Variants in ADARB1 observed in about 807,000 individuals in gnomAD.
ADARB1 encodes double-stranded RNA-specific editase 1.
Under a neutral mutation model 52.4 loss-of-function variants are expected in ADARB1, and 10 were observed. That is an observed-to-expected ratio of 0.19 (90% CI 0.12 to 0.32). The LOEUF is 0.32. ADARB1 is among the 10% of genes least tolerant of loss of function. The pLI, the probability that ADARB1 is intolerant of heterozygous loss-of-function variation, is 1.00. For synonymous variants in ADARB1, 349 were observed against 371.1 expected, an observed-to-expected ratio of 0.94 and a Z score of 0.68; for missense variants, 643 against 922.3, an observed-to-expected ratio of 0.70 and a Z score of 3.92.
At position 45,220,895 on chromosome 21, in the gene ADARB1, A is replaced by G; in HGVS notation, c.1807A>G (p.Thr603Ala). ...GGCCCCCAACTTCAGTGTCAACTGG[A>G]CGGTAGGCGACTCCGCTATTGAGGT... is the stretch of plus-strand genomic sequence containing the variant. ...GKAPNFSVNWTVGDSAIEVIN... is the reference protein window; with the variant it reads ...GKAPNFSVNWAVGDSAIEVIN... The change falls in exon 10 of 11, where the codon ACG (threonine) becomes GCG (alanine). Residue 603 changes from threonine to alanine, a missense_variant. This residue lies in a region of ADARB1 where 263 missense variants were observed against 475.8 expected (regional missense o/e 0.55). Transcript: ENST00000348831. The surrounding 1 kb of genome is among the most constrained non-coding windows in gnomAD (Gnocchi z 6.3). 1 of 1,613,480 alleles carries G rather than the reference A, an allele frequency of 6.2e-7. No homozygotes were observed. The highest frequency in any genetic ancestry group is 8.5e-7 in the Non-Finnish European group (1 of 1,180,028).
At chr21:45,110,853 G>A (rs2087501079) in intron 1 of ADARB1, among the ~76,000 whole-genome samples, 1 of 152,114 alleles carries the variant, frequency 6.6e-6, no homozygotes, top group Admixed American at 6.5e-5. Flanking sequence ...TTACCTGCTG[G>A]AAGGTACTCC....
intron 1 of ADARB1, among the ~76,000 whole-genome samples, chr21:45,101,387 G>C (rs2123732633): frequency 6.6e-6 from 1 of 152,360 alleles, no homozygotes; most frequent in East Asian, 1.9e-4. Context: ...GCCGAGTGCT[G>C]GGTGCAGAGG....
In ADARB1 at chr21:45,130,186, G is replaced by A. The variant is rs1556315; in HGVS notation, c.-48+1613G>A. ...GTTTAATATTGCTAAGTTAAGTGTC[G>A]ATTTGTGACTACCTATTTTTAACAT... On this transcript the variant is annotated intron_variant, in intron 2 of 10. Coordinates refer to ENST00000348831, the MANE Select transcript of ADARB1 (RefSeq NM_001112.4). Among the ~76,000 whole-genome samples the A allele has an allele frequency of 5.1e-3, 780 of 152,282 alleles. 12 individuals are homozygous for A. The highest frequency in any genetic ancestry group is 0.018 in the African/African-American group (728 of 41,548).
chr21:45,104,572 G>A (rs2087166145), intron 1 of ADARB1, among the ~76,000 whole-genome samples: 1 of 152,208 alleles, frequency 6.6e-6, no homozygotes, highest in East Asian at 1.9e-4. Flanking sequence ...CAAAGGTTGA[G>A]ATGAAACTCC....
chr21:45,121,483 G>A (rs895744548), intron 1 of ADARB1, among the ~76,000 whole-genome samples: 4 of 152,108 alleles, frequency 2.6e-5, no homozygotes, highest in Admixed American at 6.5e-5. Context: ...CTGTGCTCCC[G>A]CATCATTTCT....
chr21:45,112,286 G>T (rs1048079174), intron 1 of ADARB1, among the ~76,000 whole-genome samples: 1 of 152,148 alleles, frequency 6.6e-6, no homozygotes, highest in Admixed American at 6.5e-5. Context: ...CATCATTTTT[G>T]AGTCTAGCTC....
At chr21:45,218,254 T>C (rs2092903945) in intron 9 of ADARB1, among the ~76,000 whole-genome samples, 1 of 152,228 alleles carries the variant, frequency 6.6e-6, no homozygotes. Context: ...TCTTTGTGTT[T>C]CATTTTTGGT....
At chr21:45,185,321 C>G (rs2092066875) in intron 8 of ADARB1, among the ~76,000 whole-genome samples, 1 of 152,252 alleles carries the variant, frequency 6.6e-6, no homozygotes, top group Non-Finnish European at 1.5e-5. Context: ...CATTCCTATC[C>G]AAGCGTCTCA....
intron 2 of ADARB1, among the ~76,000 whole-genome samples, chr21:45,131,593 C>T (rs1384103233): frequency 6.6e-6 from 1 of 152,168 alleles, no homozygotes; most frequent in Non-Finnish European, 1.5e-5. Flanking sequence ...CATGTTGCTA[C>T]CTGTTGCTAC....
chr21:45,205,546 A>G (rs1209614051), intron 9 of ADARB1, among the ~76,000 whole-genome samples: 1 of 152,218 alleles, frequency 6.6e-6, no homozygotes, highest in African/African-American at 2.4e-5. Context: ...GTTGGCTCCG[A>G]GAGATGGTGA....
Position 45,224,875 on chromosome 21 carries a change from A to T in ADARB1, c.*2678A>T. 1.0e-6 allele frequency: 1 copy of T among 985,820 alleles called. No individual in the cohort carries two copies. The highest frequency in any genetic ancestry group is 1.2e-6 in the Non-Finnish European group (1 of 829,924). The allele number at this position is 985,820 out of a possible 1,614,324, so 61.1% of individuals were successfully genotyped here. A position where few individuals can be genotyped will look rare whatever the true frequency, so the allele number is the denominator to read the frequency against. On this transcript the variant is annotated 3_prime_UTR_variant, in exon 11 of 11. Coordinates refer to ENST00000348831, the MANE Select transcript of ADARB1 (RefSeq NM_001112.4). ...ACAGATCGGGGACCTTAGCACTTTA[A>T]TCCCTCCCTTCTGAGCGCTCGGTGT... is the stretch of plus-strand genomic sequence containing the variant.
At chr21:45,190,676 G>A (rs2092256637) in intron 8 of ADARB1, among the ~76,000 whole-genome samples, 1 of 152,142 alleles carries the variant, frequency 6.6e-6, no homozygotes, top group South Asian at 2.1e-4. Flanking sequence ...GCTTCTCCTG[G>A]TGTCTTCCTG....
At chr21:45,080,299 C>T (rs1470692734) in intron 1 of ADARB1, among the ~76,000 whole-genome samples, 1 of 152,082 alleles carries the variant, frequency 6.6e-6, no homozygotes, top group African/African-American at 2.4e-5. Flanking sequence ...ATGTTATGAG[C>T]TAATAGGAAT....
chr21:45,165,698 T>C (rs2146076062), intron 2 of ADARB1, among the ~76,000 whole-genome samples: 1 of 152,372 alleles, frequency 6.6e-6, no homozygotes, highest in South Asian at 2.1e-4. Flanking sequence ...AGGTTTATAC[T>C]TCAGTTGCTT....
intron 9 of ADARB1, among the ~76,000 whole-genome samples, chr21:45,214,822 C>G (rs2092831483): frequency 2.6e-5 from 4 of 152,146 alleles, no homozygotes; most frequent in Admixed American, 6.5e-5. Context: ...AGTCTTCCAA[C>G]TTTGTACTTT....
intron 2 of ADARB1, among the ~76,000 whole-genome samples, chr21:45,154,162 C>G (rs1343732979): frequency 6.6e-6 from 1 of 152,172 alleles, no homozygotes; most frequent in African/African-American, 2.4e-5. Context: ...GAAAACCACT[C>G]TCAAATATGT....
intron 1 of ADARB1, among the ~76,000 whole-genome samples, chr21:45,101,871 T>C (rs951912094): frequency 6.6e-6 from 1 of 152,184 alleles, no homozygotes; most frequent in Non-Finnish European, 1.5e-5. Flanking sequence ...TGGTTTATTT[T>C]AAAGTGAACA....
intron 2 of ADARB1, among the ~76,000 whole-genome samples, chr21:45,159,737 T>C (rs2090863878): frequency 6.6e-6 from 1 of 152,144 alleles, no homozygotes; most frequent in Non-Finnish European, 1.5e-5. Context: ...ACTTTTGGGA[T>C]TGTTTTACCC....
chr21:45,168,271 T>G (rs2091334419), intron 2 of ADARB1, among the ~76,000 whole-genome samples: 1 of 152,236 alleles, frequency 6.6e-6, no homozygotes, highest in Non-Finnish European at 1.5e-5. Context: ...TCCCAGTCTG[T>G]AGCTTGTTTT....
Sources: gnomAD v4.1 joint callset for allele counts (sites outside exome capture counted in the v4.1 genomes callset) on GRCh38, gnomAD v4.1.1 for gene constraint, gnomAD v4.1.1 regional missense constraint, Gnocchi (gnomAD v3.1) non-coding constraint, MANE v1.5 for transcripts, NCBI Gene and HGNC (gene_info 2026-07-23, HGNC 2026-07-21) for gene names.